Variants in GPM6A observed in about 807,000 individuals in gnomAD.
The protein encoded by GPM6A is neuronal membrane glycoprotein M6-a.
Under a neutral mutation model 32.1 loss-of-function variants are expected in GPM6A, and 7 were observed. The observed-to-expected ratio is 0.22, with a 90% confidence interval of 0.12 to 0.41. GPM6A has a LOEUF of 0.41. Ranked by LOEUF, GPM6A falls within the 10% of genes least tolerant of loss-of-function variation. The pLI, the probability that GPM6A is intolerant of heterozygous loss-of-function variation, is 1.00. For synonymous variants in GPM6A, 130 were observed against 123.4 expected, an observed-to-expected ratio of 1.05 and a Z score of -0.35; for missense variants, 235 against 347.2, an observed-to-expected ratio of 0.68 and a Z score of 2.57.
Position 175,818,549 on chromosome 4 carries a change from C to CA in GPM6A, c.-22-6301dup, listed in dbSNP as rs766411453. 2.6e-5 allele frequency among the ~76,000 whole-genome samples: 4 copies of CA among 152,340 alleles called. No individual in the cohort carries two copies. The East Asian group carries it at 7.7e-4, about 29-fold the overall frequency. On this transcript the variant is annotated intron_variant, in intron 1 of 7. Transcript: ENST00000280187. ...ATGGCCTCTATCTTTCCCCCTCACACAAGACAAGCACATGGTAAGCTTTCA... is the reference window on the plus strand; with the variant it reads ...ATGGCCTCTATCTTTCCCCCTCACACAAAGACAAGCACATGGTAAGCTTTCA...
chr4:175,754,003 T>C (rs1170618601), intron 1 of GPM6A, among the ~76,000 whole-genome samples: 1 of 152,116 alleles, frequency 6.6e-6, no homozygotes, highest in Non-Finnish European at 1.5e-5. Context: ...TTATGTCAAT[T>C]ACTCCAACTA....
chr4:175,668,542 T>TGTGTGTGTGTGTG (rs1560863089), intron 3 of GPM6A, among the ~76,000 whole-genome samples: 5 of 151,514 alleles, frequency 3.3e-5, no homozygotes, highest in African/African-American at 9.7e-5. Context: ...TGTGTGTGTG[T>TGTGTGTGTGTGTG]TTATTTTAAA....
chr4:175,636,653 G>A (rs1419215065), intron 6 of GPM6A, among the ~76,000 whole-genome samples: 2 of 150,706 alleles, frequency 1.3e-5, no homozygotes, highest in Non-Finnish European at 3.0e-5. Flanking sequence ...AAACGTAGCT[G>A]GGTGTGGTGC....
intron 1 of GPM6A, among the ~76,000 whole-genome samples, chr4:175,759,283 G>A (rs997728708): frequency 1.3e-5 from 2 of 151,690 alleles, no homozygotes; most frequent in Non-Finnish European, 2.9e-5. Flanking sequence ...AACTAAACAG[G>A]GGTTTGAGGA....
chr4:175,956,723 A>G (rs557012069), intron 1 of GPM6A, among the ~76,000 whole-genome samples: 5 of 151,640 alleles, frequency 3.3e-5, no homozygotes, highest in African/African-American at 1.2e-4. Context: ...TAAATTTTTA[A>G]GTATTCATTT....
intron 1 of GPM6A, among the ~76,000 whole-genome samples, chr4:175,881,369 A>G (rs1448632040): frequency 2.6e-5 from 4 of 152,204 alleles, no homozygotes; most frequent in Admixed American, 2.6e-4. Flanking sequence ...GATGTGGAGA[A>G]ATAGGAACAC....
Position 175,755,286 on chromosome 4 carries a change from C to A in GPM6A, c.38-53519G>T, listed in dbSNP as rs185104173. On this transcript the variant is annotated intron_variant, in intron 1 of 6. Coordinates refer to ENST00000393658, the MANE Select transcript of GPM6A (RefSeq NM_201591.3). ...GATGTCTTAAATGAAAAAAAATAAA[C>A]AAATATGGTATCCTTAGCTATACCT... Among the ~76,000 whole-genome samples, 645 of 151,834 alleles carry A rather than the reference C, an allele frequency of 4.2e-3. 17 individuals are homozygous for A. Among genetic ancestry groups the A allele is most frequent in the Admixed American group, 0.036 (549 of 15,222 alleles).
At chr4:175,709,727 CAAAAAAA>C (rs559363193) in intron 1 of GPM6A, among the ~76,000 whole-genome samples, 1 of 68,600 alleles carries the variant, frequency 1.5e-5, no homozygotes, top group African/African-American at 6.5e-5. Flanking sequence ...GACTCCATCT[CAAAAAAA>C]AAAAAAAAAA....
chr4:175,639,013 G>A (rs1052099213), intron 6 of GPM6A, among the ~76,000 whole-genome samples: 17 of 152,068 alleles, frequency 1.1e-4, no homozygotes, highest in South Asian at 8.3e-4. Flanking sequence ...CTTATCAAGC[G>A]TCTCACGTTC....
chr4:175,812,737 C>G (rs1191229423), upstream of GPM6A: 36 of 985,412 alleles, frequency 3.7e-5, no homozygotes, highest in East Asian at 3.4e-4. Context: ...GTAATTCCCC[C>G]CTTCATTCCA....
intron 1 of GPM6A, among the ~76,000 whole-genome samples, chr4:175,792,600 T>A (rs1445714493): frequency 6.6e-6 from 1 of 152,136 alleles, no homozygotes; most frequent in African/African-American, 2.4e-5. Context: ...CACTGATAAT[T>A]ATAATTGATG....
intron 2 of GPM6A, among the ~76,000 whole-genome samples, chr4:175,683,098 C>T (rs1295516751): frequency 6.6e-6 from 1 of 152,164 alleles, no homozygotes; most frequent in Non-Finnish European, 1.5e-5. Context: ...TGCAAAGTCA[C>T]AAGGGTAGAG....
At chr4:175,759,967 G>T (rs1039132073) in intron 1 of GPM6A, among the ~76,000 whole-genome samples, 2 of 152,064 alleles carry the variant, frequency 1.3e-5, no homozygotes, top group Admixed American at 1.3e-4. Context: ...ATCACCTGAG[G>T]TCAGGATTTA....
Position 175,899,183 on chromosome 4 carries a change from G to A in GPM6A, c.-22-86934C>T, listed in dbSNP as rs59128757. 6.6e-3 allele frequency among the ~76,000 whole-genome samples: 1,002 copies of A among 152,240 alleles called. 10 individuals are homozygous for A. The highest frequency in any genetic ancestry group is 0.023 in the African/African-American group (944 of 41,538). On this transcript the variant is annotated intron_variant, in intron 1 of 7. Coordinates refer to the GPM6A transcript ENST00000280187. Reference sequence around the variant, plus strand: ...TGTTTCTACTAAACAACTTAAAACTGTATTATGTAATTTTGTATTTATTTG... The same window carrying A: ...TGTTTCTACTAAACAACTTAAAACTATATTATGTAATTTTGTATTTATTTG...
intron 1 of GPM6A, among the ~76,000 whole-genome samples, chr4:175,785,328 G>A (rs775107421): frequency 8.5e-5 from 13 of 152,174 alleles, no homozygotes; most frequent in Non-Finnish European, 1.9e-4. Context: ...GCTCTGAGGA[G>A]ACTGCAGATG....
chr4:175,818,306 T>G (rs576863052), intron 1 of GPM6A, among the ~76,000 whole-genome samples: 2 of 152,318 alleles, frequency 1.3e-5, no homozygotes, highest in African/African-American at 4.8e-5. Flanking sequence ...GATAGCTAGA[T>G]CTACTCAGAT....
chr4:175,776,503 G>A (rs1287714061), intron 1 of GPM6A, among the ~76,000 whole-genome samples: 8 of 152,116 alleles, frequency 5.3e-5, no homozygotes, highest in Admixed American at 5.2e-4. Flanking sequence ...AGGTGTGCAA[G>A]GGATCTCTGA....
At chr4:175,682,162 A>T (rs1414301227) in intron 2 of GPM6A, among the ~76,000 whole-genome samples, 2 of 152,166 alleles carry the variant, frequency 1.3e-5, no homozygotes, top group African/African-American at 4.8e-5. Flanking sequence ...ACTTGGCTGC[A>T]TTTTGTCCAT....
At chr4:175,771,318 A>G (rs956123966) in intron 1 of GPM6A, among the ~76,000 whole-genome samples, 8 of 152,090 alleles carry the variant, frequency 5.3e-5, no homozygotes, top group African/African-American at 1.9e-4. Flanking sequence ...GTTGCCTGTA[A>G]TCCCAGGACT....
Sources: allele counts gnomAD v4.1 joint callset (sites outside exome capture counted in the v4.1 genomes callset), GRCh38; gene constraint gnomAD v4.1.1; transcripts MANE v1.5; gene names NCBI Gene and HGNC (gene_info 2026-07-23, HGNC 2026-07-21).